Variants in FAM161A observed in about 807,000 individuals in gnomAD.
FAM161A encodes protein FAM161A.
Under a neutral mutation model 70.9 loss-of-function variants are expected in FAM161A, and 57 were observed. The observed-to-expected ratio is 0.80, with a 90% CI of 0.65 to 1.00. The LOEUF (loss-of-function observed/expected upper bound fraction) is 1.00, where lower values mean the gene tolerates loss of function less well. Among genes scored for constraint, FAM161A ranks in the 50% least tolerant of loss-of-function variants. The probability of loss-of-function intolerance (pLI) is 0.00; values close to 1 mark genes in which losing one functional copy is unlikely to be tolerated. For missense variants in FAM161A, 880 were observed against 836.0 expected, an observed-to-expected ratio of 1.05 and a Z score of -0.65; for synonymous variants, 299 against 295.7, an observed-to-expected ratio of 1.01 and a Z score of -0.12.
intron 1 of FAM161A, among the ~76,000 whole-genome samples, chr2:61,851,917 T>C (rs988420382): frequency 6.6e-6 from 1 of 152,030 alleles, no homozygotes; most frequent in African/African-American, 2.4e-5. Flanking sequence ...GTGGGTTAGG[T>C]ATAATATTTG....
rs775508931 is a variant in FAM161A, at chr2:61,840,468, G to A, written c.536C>T (p.Pro179Leu). The change falls in exon 3 of 7, where the codon CCC (proline) becomes CTC (leucine). Residue 179 changes from proline (P) to leucine (L), a missense_variant. Physicochemically the swap from Pro to Leu is moderately conservative, Grantham distance 98. Transcript: ENST00000404929. ...CCTAGGATACTCTTTTTCTAGGTTG[G>A]GTAACTCCTCTTCAGAGGAGGACAC... is the stretch of plus-strand genomic sequence containing the variant. ...LYVSSSEEEL[P>L]NLEKEYPRKN... is the part of the protein sequence containing the mutation. 1 of 1,613,878 alleles carries A rather than the reference G, an allele frequency of 6.2e-7. No homozygotes were observed. Among genetic ancestry groups the A allele is most frequent in the African/African-American group, 1.3e-5 (1 of 74,942 alleles).
intron 5 of FAM161A, 115 bp from the exon 6 acceptor site, chr2:61,827,373 G>C: frequency 3.2e-6 from 3 of 932,668 alleles, no homozygotes; most frequent in Non-Finnish European, 3.4e-6. Context: ...TGCTTTGGGA[G>C]GCCGAGACGG....
Position 61,836,207 on chromosome 2 carries a change from GA to G in FAM161A, c.1752-99del, listed in dbSNP as rs1284973782. The G allele has an allele frequency of 1.3e-4, 84 of 632,372 alleles. 1 individual carries two copies. The Middle Eastern group carries it at 2.4e-3, about 18-fold the overall frequency. 39.2% of individuals were successfully genotyped at this position (632,372 alleles called of 1,614,324 possible). A position where few individuals can be genotyped will look rare whatever the true frequency, so the allele number is the denominator to read the frequency against. On this transcript the variant is annotated intron_variant, in intron 4 of 6. Transcript: ENST00000404929. ...ACTTATCAACTTGTACAAAGTCAAT[GA>G]AAAAAAAGAAATAACATTTAGCTTA... is the stretch of plus-strand genomic sequence containing the variant.
intron 1 of FAM161A, among the ~76,000 whole-genome samples, chr2:61,848,694 T>C (rs1324263342): frequency 2.7e-5 from 4 of 148,316 alleles, no homozygotes; most frequent in Non-Finnish European, 5.9e-5. Flanking sequence ...AAAAAATTTT[T>C]TTCGCTGAAT....
At chr2:61,802,828 G>A in the FAM161A span, among the ~76,000 whole-genome samples, 1 of 152,108 alleles carries the variant, frequency 6.6e-6, no homozygotes. Context: ...ACTCCTCTTA[G>A]GGGCCTGCCA....
chr2:61,840,039 T>C lies in FAM161A; in HGVS notation c.965A>G (p.Gln322Arg). 6.2e-7 allele frequency: 1 copy of C among 1,614,232 alleles called. No homozygotes were observed. The highest frequency in any genetic ancestry group is 8.5e-7 in the Non-Finnish European group (1 of 1,180,052). Residue 322 changes from glutamine (Q) to arginine (R), a missense_variant, in exon 3 of 7, where the codon CAA becomes CGA. By Grantham distance (43) the Gln-to-Arg change is conservative. Transcript: ENST00000404929. ...EKSKEALLASQKPFKFIAREE... is the reference protein window; with the variant it reads ...EKSKEALLASRKPFKFIAREE... Reference sequence around the variant, plus strand: ...CCTTGCTATAAATTTAAATGGCTTTTGTGAGGCCAAAAGAGCTTCTTTGCT... The same window carrying C: ...CCTTGCTATAAATTTAAATGGCTTTCGTGAGGCCAAAAGAGCTTCTTTGCT...
At chr2:61,843,559 CCA>C (rs527815169) in intron 1 of FAM161A, among the ~76,000 whole-genome samples, 1 of 152,128 alleles carries the variant, frequency 6.6e-6, no homozygotes, top group African/African-American at 2.4e-5. Context: ...AGGCTGCCAA[CCA>C]CAGTTTTAAA....
chr2:61,843,961 G>A (rs1002615575), intron 1 of FAM161A, among the ~76,000 whole-genome samples: 3 of 152,008 alleles, frequency 2.0e-5, no homozygotes, highest in Non-Finnish European at 2.9e-5. Flanking sequence ...GGCTAACATG[G>A]CAAAACCCCA....
At chr2:61,850,112 A>G (rs762937079) in intron 1 of FAM161A, among the ~76,000 whole-genome samples, 3 of 152,078 alleles carry the variant, frequency 2.0e-5, no homozygotes, top group Non-Finnish European at 4.4e-5. Context: ...ATTTAAAAAT[A>G]TAGGCCAGGC....
rs1672349262 is a variant in FAM161A at position 61,826,012 on chromosome 2, AG to A, written c.*442del. 1 of 454,386 alleles carries A rather than the reference AG, an allele frequency of 2.2e-6. No individual in the cohort carries two copies. Among genetic ancestry groups the A allele is most frequent in the Non-Finnish European group, 4.4e-6 (1 of 227,012 alleles). The allele number at this position is 454,386 out of a possible 1,614,324, so 28.1% of individuals were successfully genotyped here. On this transcript the variant is annotated 3_prime_UTR_variant, in exon 7 of 7. Transcript: ENST00000404929. ...ATTTATTCTGTGAAATGCACTGCAGAGAAAAAGAATGGGCAAATAGTATAAT... is the reference window on the plus strand; with the variant it reads ...ATTTATTCTGTGAAATGCACTGCAGAAAAAAGAATGGGCAAATAGTATAAT...
the FAM161A span, among the ~76,000 whole-genome samples, chr2:61,802,651 C>A: frequency 6.6e-6 from 1 of 152,106 alleles, no homozygotes; most frequent in South Asian, 2.1e-4. Context: ...AAGCTATTTT[C>A]TTTTAAAAAC....
rs752297643 is a variant in FAM161A, at chr2:61,840,293, T to C, written c.711A>G (p.Thr237=). The C allele has an allele frequency of 1.9e-6, 3 of 1,614,206 alleles. No homozygotes were observed. Among genetic ancestry groups the C allele is most frequent in the Admixed American group, 3.3e-5 (2 of 60,016 alleles). The change falls in exon 3 of 7, where the codon ACA becomes ACG. Residue 237 remains threonine, a synonymous_variant. Coordinates refer to ENST00000404929, the MANE Select transcript of FAM161A (RefSeq NM_001201543.2). ...TCATCATTTGAAAAGGCTCCGGTAC[T>C]GTAATTGTGGGCACCCATTCTTTTC... is the stretch of plus-strand genomic sequence containing the variant. ...KKRKEWVPTI[T]VPEPFQMMIR... is the part of the protein sequence containing the mutation.
At chr2:61,810,562 A>C in the FAM161A span, among the ~76,000 whole-genome samples, 1 of 148,990 alleles carries the variant, frequency 6.7e-6, no homozygotes, top group South Asian at 2.1e-4. Context: ...GGGTTCAAGC[A>C]ATTCTCCTGC....
chr2:61,807,582 T>C, the FAM161A span, among the ~76,000 whole-genome samples: 1 of 150,484 alleles, frequency 6.6e-6, no homozygotes, highest in Non-Finnish European at 1.5e-5. Context: ...TGGGGGACTT[T>C]GCAGAGCCTA....
At chr2:61,818,908 C>T in the FAM161A span, among the ~76,000 whole-genome samples, 1 of 152,162 alleles carries the variant, frequency 6.6e-6, no homozygotes, top group African/African-American at 2.4e-5. Context: ...ATGGAGAGAA[C>T]TGATGGATAG....
Position 61,839,405 on chromosome 2 carries a change from C to T in FAM161A, c.1583+16G>A, listed in dbSNP as rs754881620. On this transcript the variant is annotated intron_variant, in intron 3 of 6. Transcript: ENST00000404929. ...GGCAACCATGAGTCAGTCAGTACTG[C>T]GTCCTACTTACTTACCTTACGGCTT... is the stretch of plus-strand genomic sequence containing the variant. The T allele has an allele frequency of 3.1e-6, 5 of 1,613,676 alleles. No individual in the cohort carries two copies. Among genetic ancestry groups the T allele is most frequent in the South Asian group, 2.2e-5 (2 of 91,048 alleles).
chr2:61,832,197 A>G (rs1209182064), intron 5 of FAM161A, among the ~76,000 whole-genome samples: 4 of 148,506 alleles, frequency 2.7e-5, no homozygotes, highest in Non-Finnish European at 5.9e-5. Context: ...GTGAGCCGAG[A>G]TCATGCCACT....
the FAM161A span, among the ~76,000 whole-genome samples, chr2:61,810,223 G>A: frequency 6.6e-6 from 1 of 152,152 alleles, no homozygotes; most frequent in Admixed American, 6.5e-5. Context: ...GGAAATAATA[G>A]AAGTAAGACA....
In FAM161A at chr2:61,825,128, T is replaced by G. The variant is rs1672301526; in HGVS notation, c.*1327A>C. The G allele has an allele frequency of 2.2e-6, 1 of 446,062 alleles. No homozygotes were observed. The highest frequency in any genetic ancestry group is 2.0e-5 in the African/African-American group (1 of 49,726). The allele number at this position is 446,062 out of a possible 1,614,324, so 27.6% of individuals were successfully genotyped here. A position where few individuals can be genotyped will look rare whatever the true frequency, so the allele number is the denominator to read the frequency against. On this transcript the variant is annotated 3_prime_UTR_variant, in exon 7 of 7. Transcript: ENST00000404929. Reference sequence around the variant, plus strand: ...ACATACACCTGTATTAGTTCATCCTTTTAAAATGATGCTGATTGTTTTTAG... The same window carrying G: ...ACATACACCTGTATTAGTTCATCCTGTTAAAATGATGCTGATTGTTTTTAG...
Sources: gnomAD v4.1 joint callset for allele counts (sites outside exome capture counted in the v4.1 genomes callset) on GRCh38, gnomAD v4.1.1 for gene constraint, MANE v1.5 for transcripts, NCBI Gene and HGNC (gene_info 2026-07-23, HGNC 2026-07-21) for gene names.